Variants in MCM5 observed in about 807,000 individuals in gnomAD.
MCM5 encodes DNA replication licensing factor MCM5.
In MCM5, 46 loss-of-function variants were observed where a neutral mutation model predicts 79.9. The observed-to-expected ratio is 0.58, with a 90% CI of 0.45 to 0.74. The LOEUF is 0.74. Ranked by LOEUF, MCM5 falls within the 30% of genes least tolerant of loss-of-function variation. The pLI is 0.00. For missense variants in MCM5, 883 were observed against 1,017.0 expected, an observed-to-expected ratio of 0.87 and a Z score of 1.79; for synonymous variants, 404 against 390.5, an observed-to-expected ratio of 1.03 and a Z score of -0.41.
Position 35,424,386 on chromosome 22 carries a change from C to A in MCM5, c.*131C>A. The A allele has an allele frequency of 1.5e-6, 1 of 675,500 alleles. No individual in the cohort carries two copies. Among genetic ancestry groups the A allele is most frequent in the Non-Finnish European group, 2.5e-6 (1 of 404,198 alleles). 41.8% of individuals were successfully genotyped at this position (675,500 alleles called of 1,614,324 possible). Reference sequence around the variant, plus strand: ...TCGAACTTCCCAGGCACCCTCCTTTCTGCCCCAGAGGAAGGAGCTGTAGTG... The same window carrying A: ...TCGAACTTCCCAGGCACCCTCCTTTATGCCCCAGAGGAAGGAGCTGTAGTG... On this transcript the variant is annotated 3_prime_UTR_variant, in exon 17 of 17. Coordinates refer to ENST00000216122, the MANE Select transcript of MCM5 (RefSeq NM_006739.4).
At chr22:35,447,015 C>T in the MCM5 span, among the ~76,000 whole-genome samples, 590 of 152,308 alleles carry the variant, frequency 3.9e-3, 3 homozygotes, top group African/African-American at 0.014. Flanking sequence ...CTCCGGGCAG[C>T]GGTCCGCGCT....
intron 11 of MCM5, 109 bp from the exon 12 acceptor site, chr22:35,416,529 G>A (rs1047886005): frequency 4.8e-5 from 21 of 435,508 alleles, no homozygotes; most frequent in Non-Finnish European, 7.4e-5. Flanking sequence ...GTGTGTGTGT[G>A]TGTGTGTGTG....
At chr22:35,413,156 C>T (rs1932437244) in intron 8 of MCM5, among the ~76,000 whole-genome samples, 1 of 152,040 alleles carries the variant, frequency 6.6e-6, no homozygotes, top group Non-Finnish European at 1.5e-5. Context: ...CATTCTCCTG[C>T]CTCAGCCTCC....
At chr22:35,445,797 C>T in the MCM5 span, among the ~76,000 whole-genome samples, 1 of 152,180 alleles carries the variant, frequency 6.6e-6, no homozygotes, top group East Asian at 1.9e-4. Context: ...AGGCATGAGC[C>T]ACCACACTCG....
chr22:35,453,813 T>TAGAGAGAG, the MCM5 span, among the ~76,000 whole-genome samples: 53 of 94,758 alleles, frequency 5.6e-4, no homozygotes, highest in African/African-American at 2.6e-3. Flanking sequence ...TATATATATA[T>TAGAGAGAG]ATATATAGAG....
downstream of MCM5, among the ~76,000 whole-genome samples, chr22:35,427,896 C>T (rs1294133586): frequency 1.3e-5 from 2 of 151,922 alleles, no homozygotes; most frequent in African/African-American, 2.4e-5. Context: ...GACTTGGGGC[C>T]AGGTGTGGTA....
At position 35,417,843 on chromosome 22, in the gene MCM5, G is replaced by T. The variant is rs751091748; in HGVS notation, c.1690G>T (p.Ala564Ser). Residue 564 changes from alanine to serine, a missense_variant, in exon 13 of 17, where the codon GCC becomes TCC. By Grantham distance (99) the Ala-to-Ser change is moderately conservative. Transcript: ENST00000216122. ...CCTGGCCAAGCTGAAGAAGTTTATTGCCTACTGCCGAGTGTGAGTCCTGGA... is the reference window on the plus strand; with the variant it reads ...CCTGGCCAAGCTGAAGAAGTTTATTTCCTACTGCCGAGTGTGAGTCCTGGA... ...IDLAKLKKFI[A>S]YCRVKCGPRL... 1 of 1,613,966 alleles carries T rather than the reference G, an allele frequency of 6.2e-7. No homozygotes were observed. The highest frequency in any genetic ancestry group is 2.2e-5 in the East Asian group (1 of 44,882).
chr22:35,443,170 C>A, the MCM5 span, among the ~76,000 whole-genome samples: 1 of 152,162 alleles, frequency 6.6e-6, no homozygotes, highest in Non-Finnish European at 1.5e-5. Context: ...ATGAGTGAGG[C>A]GAGCAAGGTG....
chr22:35,426,871 A>C (rs190070244), downstream of MCM5, among the ~76,000 whole-genome samples: 2 of 151,996 alleles, frequency 1.3e-5, no homozygotes, highest in East Asian at 1.9e-4. Context: ...GGGTCTCTCA[A>C]CTTCGCTCAC....
At chr22:35,445,887 G>A in the MCM5 span, among the ~76,000 whole-genome samples, 4 of 152,044 alleles carry the variant, frequency 2.6e-5, no homozygotes, top group African/African-American at 7.3e-5. Context: ...CCTGATACCC[G>A]ATACTCAGAA....
At chr22:35,421,556 G>C (rs1395434022) in intron 15 of MCM5, 96 bp downstream of exon 15, 1 of 1,548,498 alleles carries the variant, frequency 6.5e-7, no homozygotes, top group Non-Finnish European at 8.9e-7. Context: ...CCTGCAGTGT[G>C]TGTCTTGCTT....
the MCM5 span, among the ~76,000 whole-genome samples, chr22:35,447,572 A>G: frequency 6.6e-6 from 1 of 152,124 alleles, no homozygotes; most frequent in African/African-American, 2.4e-5. Flanking sequence ...TCCAGGGTGC[A>G]AGGGATTCTC....
At chr22:35,416,084 C>T (rs1932531868) in intron 10 of MCM5, 112 bp downstream of exon 10, 1 of 1,359,788 alleles carries the variant, frequency 7.4e-7, no homozygotes, top group African/African-American at 1.4e-5. Flanking sequence ...GTTTTCAATC[C>T]CTGGGCCGGT....
chr22:35,428,970 C>CTTTTTTTTTT (rs35549972), downstream of MCM5, among the ~76,000 whole-genome samples: 3 of 65,528 alleles, frequency 4.6e-5, no homozygotes, highest in Admixed American at 2.2e-4. Flanking sequence ...TTTCTTTGAC[C>CTTTTTTTTTT]TTTTTTTTTT....
At chr22:35,401,384 T>C (rs1166059720) in intron 2 of MCM5, 9 of 471,494 alleles carry the variant, frequency 1.9e-5, no homozygotes, top group South Asian at 1.1e-4. Context: ...TGCACCTTCA[T>C]TGATTGAGCA....
intron 15 of MCM5, 63 bp from the exon 16 acceptor site, chr22:35,423,151 G>A: frequency 6.7e-7 from 1 of 1,491,466 alleles, no homozygotes; most frequent in African/African-American, 1.4e-5. Flanking sequence ...GCTAGAGGCT[G>A]TCTCTGTCCA....
downstream of MCM5, among the ~76,000 whole-genome samples, chr22:35,428,416 C>T (rs1932791587): frequency 6.6e-6 from 1 of 151,996 alleles, no homozygotes; most frequent in East Asian, 1.9e-4. Context: ...CTGCCTCGGC[C>T]TCCCAAAGTT....
rs1601763301 is a variant in MCM5 at position 35,421,428 on chromosome 22, C to T, written c.1943C>T (p.Thr648Met). ...GCCCTGCGGCTCTTCCAAGTGTCCACGTTGGATGCTGCCTTGTCCGGTACC... is the reference window on the plus strand; with the variant it reads ...GCCCTGCGGCTCTTCCAAGTGTCCATGTTGGATGCTGCCTTGTCCGGTACC... The part of the protein sequence containing the change: ...EEALRLFQVS[T>M]LDAALSGTLS... The change falls in exon 15 of 17, where the codon ACG (threonine) becomes ATG (methionine). Residue 648 changes from threonine (T) to methionine (M), a missense_variant. Transcript: ENST00000216122. 28 of 1,614,064 alleles carry T rather than the reference C, an allele frequency of 1.7e-5. No individual in the cohort carries two copies. Among genetic ancestry groups the T allele is most frequent in the Non-Finnish European group, 2.0e-5 (24 of 1,180,040 alleles).
At position 35,421,460 on chromosome 22, in the gene MCM5, G is replaced by A. The variant is rs1212615827; in HGVS notation, c.1975G>A (p.Gly659Arg). 6.2e-7 allele frequency: 1 copy of A among 1,614,130 alleles called. No individual in the cohort carries two copies. The highest frequency in any genetic ancestry group is 2.2e-5 in the East Asian group (1 of 44,886). The change falls in exon 15 of 17, where the codon GGG becomes AGG. Residue 659 changes from glycine to arginine, a missense_variant and splice_region_variant. By Grantham distance (125) the Gly-to-Arg change is moderately radical. This residue lies in a region of MCM5 where 426 missense variants were observed against 482.3 expected (regional missense o/e 0.88). Coordinates refer to ENST00000216122, the MANE Select transcript of MCM5 (RefSeq NM_006739.4). ...TGCTGCCTTGTCCGGTACCCTGTCA[G>A]GTGAGCAGATGCAGGGGCCATGGTC... The part of the protein sequence containing the change: ...LDAALSGTLS[G>R]VEGFTSQEDQ...
Sources: gnomAD v4.1 joint callset for allele counts (sites outside exome capture counted in the v4.1 genomes callset) on GRCh38, gnomAD v4.1.1 for gene constraint, gnomAD v4.1.1 regional missense constraint, MANE v1.5 for transcripts, NCBI Gene and HGNC (gene_info 2026-07-23, HGNC 2026-07-21) for gene names.